CACNB2: variants seen among roughly 807,000 people sequenced by gnomAD.
The protein encoded by CACNB2 is voltage-dependent L-type calcium channel subunit beta-2.
Under a neutral mutation model 73.3 loss-of-function variants are expected in CACNB2, and 42 were observed. The ratio of observed to expected loss-of-function variants is 0.57; its 90% CI spans 0.45 to 0.74. The LOEUF (loss-of-function observed/expected upper bound fraction) is 0.74. Ranked by LOEUF, CACNB2 falls within the 30% of genes least tolerant of loss-of-function variation. CACNB2 has a pLI of 0.00. For synonymous variants in CACNB2, 348 were observed against 310.3 expected, an observed-to-expected ratio of 1.12 and a Z score of -1.28; for missense variants, 940 against 853.0, an observed-to-expected ratio of 1.10 and a Z score of -1.27.
chr10:18,184,649 GTT>G (rs201899870), intron 2 of CACNB2, among the ~76,000 whole-genome samples: 2,740 of 87,300 alleles, frequency 0.031, 15 homozygotes, highest in African/African-American at 0.071. Context: ...CTCAGACTTT[GTT>G]TTTTTTTTTT....
chr10:18,219,198 C>T (rs150928464), intron 2 of CACNB2, among the ~76,000 whole-genome samples: 10 of 152,212 alleles, frequency 6.6e-5, no homozygotes, highest in Non-Finnish European at 1.3e-4. Flanking sequence ...CTCCAGAATT[C>T]GGAATGGTAT....
At chr10:18,318,931 A>G (rs534178032) in intron 2 of CACNB2, among the ~76,000 whole-genome samples, 1 of 152,354 alleles carries the variant, frequency 6.6e-6, no homozygotes, top group South Asian at 2.1e-4. Flanking sequence ...GGTGATTATT[A>G]AAAAGTCAGG....
At chr10:18,165,086 A>G (rs2032754248) in intron 2 of CACNB2, among the ~76,000 whole-genome samples, 1 of 152,180 alleles carries the variant, frequency 6.6e-6, no homozygotes, top group Admixed American at 6.5e-5. Flanking sequence ...TCTGCAAAAG[A>G]GCTGAATACA....
intron 3 of CACNB2, among the ~76,000 whole-genome samples, chr10:18,440,297 A>G (rs1020990080): frequency 2.6e-5 from 4 of 152,180 alleles, no homozygotes; most frequent in African/African-American, 9.7e-5. Context: ...GTTTCAACAT[A>G]TGAATTTTGG....
intron 2 of CACNB2, among the ~76,000 whole-genome samples, chr10:18,151,426 A>G (rs560741138): frequency 6.6e-6 from 1 of 152,254 alleles, no homozygotes; most frequent in African/African-American, 2.4e-5. Context: ...GGTTGAGGCT[A>G]TCGAGGTTAA....
At chr10:18,470,292 G>T (rs1357512585) in intron 3 of CACNB2, among the ~76,000 whole-genome samples, 1 of 149,996 alleles carries the variant, frequency 6.7e-6, no homozygotes, top group Non-Finnish European at 1.5e-5. Context: ...TTTGAGGTTG[G>T]CCTGGCCAAC....
intron 2 of CACNB2, among the ~76,000 whole-genome samples, chr10:18,241,483 A>T (rs548955234): frequency 6.6e-6 from 1 of 152,228 alleles, no homozygotes; most frequent in African/African-American, 2.4e-5. Flanking sequence ...TACCTAATGT[A>T]GATGACGGGT....
intron 2 of CACNB2, among the ~76,000 whole-genome samples, chr10:18,277,738 G>T (rs2038361412): frequency 6.6e-6 from 1 of 152,150 alleles, no homozygotes; most frequent in Admixed American, 6.5e-5. Context: ...CAGACACTAT[G>T]TTATTCTTGG....
intron 3 of CACNB2, among the ~76,000 whole-genome samples, chr10:18,443,677 GGT>G (rs2046586812): frequency 6.6e-6 from 1 of 151,804 alleles, no homozygotes; most frequent in Admixed American, 6.6e-5. Context: ...TCCTTATCCA[GGT>G]GCAGGGAATG....
intron 1 of CACNB2, among the ~76,000 whole-genome samples, chr10:18,145,822 C>T (rs547868920): frequency 2.6e-5 from 4 of 152,220 alleles, no homozygotes; most frequent in East Asian, 1.9e-4. Flanking sequence ...TTAAAGGAAC[C>T]GGGCCTGTCT....
At chr10:18,323,658 A>G (rs910312290) in intron 2 of CACNB2, among the ~76,000 whole-genome samples, 2 of 152,198 alleles carry the variant, frequency 1.3e-5, no homozygotes, top group Non-Finnish European at 2.9e-5. Flanking sequence ...TCTCAATGTG[A>G]TATTTTTGAG....
At chr10:18,259,146 A>G (rs377154118) in intron 2 of CACNB2, among the ~76,000 whole-genome samples, 51 of 152,344 alleles carry the variant, frequency 3.3e-4, no homozygotes, top group Non-Finnish European at 4.7e-4. Context: ...TTACTGATAA[A>G]CAAAACATGG....
intron 2 of CACNB2, among the ~76,000 whole-genome samples, chr10:18,178,566 G>A (rs984627749): frequency 6.6e-6 from 1 of 152,080 alleles, no homozygotes; most frequent in Non-Finnish European, 1.5e-5. Context: ...TTAGAGAAAG[G>A]TCACACAAAG....
At chr10:18,339,654 G>C (rs988859624) in intron 2 of CACNB2, among the ~76,000 whole-genome samples, 3 of 152,188 alleles carry the variant, frequency 2.0e-5, no homozygotes, top group Non-Finnish European at 4.4e-5. Flanking sequence ...CATGGTCTCT[G>C]TTGCAATGAC....
At chr10:18,201,859 A>AT (rs1359212024) in intron 2 of CACNB2, among the ~76,000 whole-genome samples, 4 of 152,272 alleles carry the variant, frequency 2.6e-5, no homozygotes, top group East Asian at 3.9e-4. Context: ...TCTCCCTGAC[A>AT]TTTTTAAAAT....
intron 3 of CACNB2, among the ~76,000 whole-genome samples, chr10:18,495,858 A>G (rs536718479): frequency 1.2e-4 from 19 of 152,162 alleles, no homozygotes; most frequent in African/African-American, 4.6e-4. Context: ...CATACTCTCA[A>G]GGATTGTGTT....
At chr10:18,265,062 A>G (rs2037728665) in intron 2 of CACNB2, among the ~76,000 whole-genome samples, 1 of 151,770 alleles carries the variant, frequency 6.6e-6, no homozygotes. Context: ...ATGTCAGAGT[A>G]TCCCATTATG....
rs187628464 is a variant in CACNB2, at chr10:18,523,036, T to A, written c.944+4068T>A. 9.2e-5 allele frequency among the ~76,000 whole-genome samples: 14 copies of A among 152,316 alleles called. No individual in the cohort carries two copies. The East Asian group carries it at 9.6e-4, about 10-fold the overall frequency. ...CCAAATATTCCTAATTAGATTTTTTTAATTTTCCATATCTTTAAGAAATAT... is the reference window on the plus strand; with the variant it reads ...CCAAATATTCCTAATTAGATTTTTTAAATTTTCCATATCTTTAAGAAATAT... On this transcript the variant is annotated intron_variant, in intron 9 of 13. Transcript: ENST00000324631.
chr10:18,532,311 A>AT (rs747287904), intron 10 of CACNB2, among the ~76,000 whole-genome samples: 23 of 152,292 alleles, frequency 1.5e-4, no homozygotes, highest in Middle Eastern at 3.4e-3. Flanking sequence ...ACATGTTAAT[A>AT]TATTGACATA....
Sources: gnomAD v4.1 joint callset for allele counts (sites outside exome capture counted in the v4.1 genomes callset) on GRCh38, gnomAD v4.1.1 for gene constraint, MANE v1.5 for transcripts, NCBI Gene and HGNC (gene_info 2026-07-23, HGNC 2026-07-21) for gene names.